HSDL2: variants seen among roughly 807,000 people sequenced by gnomAD.
HSDL2 encodes hydroxysteroid dehydrogenase like 2, also known as hydroxysteroid dehydrogenase-like protein 2.
A neutral mutation model predicts 46.3 loss-of-function variants in HSDL2; 27 were observed. That is an observed-to-expected ratio of 0.58 (90% CI 0.43 to 0.80). The LOEUF is 0.80. Among genes scored for constraint, HSDL2 ranks in the 30% least tolerant of loss-of-function variants. HSDL2 has a pLI of 0.00. For synonymous variants in HSDL2, 153 were observed against 163.6 expected, an observed-to-expected ratio of 0.94 and a Z score of 0.50; for missense variants, 451 against 502.7, an observed-to-expected ratio of 0.90 and a Z score of 0.98.
chr9:112,427,126 C>T (rs995343299), intron 6 of HSDL2, among the ~76,000 whole-genome samples: 19 of 152,282 alleles, frequency 1.2e-4, no homozygotes, highest in African/African-American at 4.3e-4. Flanking sequence ...ACGATCTCAG[C>T]CCACTGCAGC....
intron 6 of HSDL2, among the ~76,000 whole-genome samples, chr9:112,433,226 G>A (rs945246187): frequency 2.6e-5 from 4 of 152,152 alleles, no homozygotes; most frequent in South Asian, 2.1e-4. Flanking sequence ...CAGAGGGAGC[G>A]ACGCATGCAA....
chr9:112,411,773 CT>C (rs764922903), intron 4 of HSDL2, among the ~76,000 whole-genome samples: 12 of 152,214 alleles, frequency 7.9e-5, no homozygotes, highest in Admixed American at 5.2e-4. Context: ...GGCAATGTTG[CT>C]ATGTGATACT....
At chr9:112,436,960 CTTTT>C (rs780957603) in intron 6 of HSDL2, among the ~76,000 whole-genome samples, 4 of 126,782 alleles carry the variant, frequency 3.2e-5, no homozygotes, top group African/African-American at 6.0e-5. Context: ...TTCTTTTTTT[CTTTT>C]TTTTTTTTTT....
intron 1 of HSDL2, among the ~76,000 whole-genome samples, chr9:112,391,178 A>AAATAATAATAAT (rs57337984): frequency 0.037 from 5,488 of 149,494 alleles, 172 homozygotes; most frequent in African/African-American, 0.064. Context: ...TCCATCTCAA[A>AAATAATAATAAT]AATAATAATA....
At chr9:112,417,096 C>T (rs1379748427) in intron 5 of HSDL2, 152 bp downstream of exon 5, 7 of 445,924 alleles carry the variant, frequency 1.6e-5, no homozygotes, top group African/African-American at 2.0e-5. Flanking sequence ...AAAGTAGATT[C>T]TTCATCTTTT....
In HSDL2 at chr9:112,457,103, G is replaced by A. The variant is rs139689241; in HGVS notation, c.1016-2346G>A. 2.0e-3 allele frequency among the ~76,000 whole-genome samples: 306 copies of A among 151,866 alleles called. 2 individuals carry two copies. Among genetic ancestry groups the A allele is most frequent in the African/African-American group, 7.0e-3 (288 of 41,420 alleles). ...GCGGAGGTTGCGGTGAGCCCAGATC[G>A]CATCACTGCACTCCAGCTTGGGCAA... On this transcript the variant is annotated intron_variant, in intron 9 of 10. Transcript: ENST00000398805.
intron 8 of HSDL2, among the ~76,000 whole-genome samples, chr9:112,450,626 C>A (rs370099620): frequency 0.01 from 1,244 of 120,404 alleles, no homozygotes; most frequent in African/African-American, 0.011. Flanking sequence ...AAGACTGCCT[C>A]AAAAAAAAAA....
intron 3 of HSDL2, among the ~76,000 whole-genome samples, chr9:112,408,310 A>G (rs1831776323): frequency 6.6e-6 from 1 of 152,198 alleles, no homozygotes; most frequent in South Asian, 2.1e-4. Flanking sequence ...TTAAGAGTGG[A>G]AGCTACAAAC....
chr9:112,399,228 G>A (rs1831532809), intron 1 of HSDL2, among the ~76,000 whole-genome samples: 1 of 152,222 alleles, frequency 6.6e-6, no homozygotes, highest in Non-Finnish European at 1.5e-5. Context: ...CATATCGGTA[G>A]GACCGTGATG....
intron 1 of HSDL2, among the ~76,000 whole-genome samples, chr9:112,393,724 G>A (rs545640462): frequency 1.3e-5 from 2 of 152,308 alleles, no homozygotes; most frequent in African/African-American, 4.8e-5. Context: ...CAAGGTCTGG[G>A]TAAAGTTACT....
chr9:112,441,025 A>G (rs533146698), intron 7 of HSDL2, among the ~76,000 whole-genome samples: 1 of 151,268 alleles, frequency 6.6e-6, no homozygotes, highest in African/African-American at 2.4e-5. Context: ...AAATAAATAA[A>G]TAAATAATAA....
intron 8 of HSDL2, among the ~76,000 whole-genome samples, chr9:112,444,669 TTG>T (rs1170410668): frequency 1.5e-3 from 235 of 152,096 alleles, no homozygotes; most frequent in Non-Finnish European, 3.1e-3. Context: ...GTTCAGGAGT[TTG>T]AGGTTGTAAT....
chr9:112,453,674 T>A (rs7875256), intron 8 of HSDL2, among the ~76,000 whole-genome samples: 3 of 152,316 alleles, frequency 2.0e-5, no homozygotes, highest in Admixed American at 6.5e-5. Flanking sequence ...ATTACATGCA[T>A]GAGCCGCCAC....
In HSDL2 at chr9:112,437,521, A is replaced by G. The variant is rs546813550; in HGVS notation, c.599-910A>G. Reference sequence around the variant, plus strand: ...TTAGTGGTCCCTAAAGTAATGGTGCACTGTATAATCAGTGGTATTGTTGGT... The same window carrying G: ...TTAGTGGTCCCTAAAGTAATGGTGCGCTGTATAATCAGTGGTATTGTTGGT... On this transcript the variant is annotated intron_variant, in intron 6 of 10. Coordinates refer to ENST00000398805, the MANE Select transcript of HSDL2 (RefSeq NM_032303.5). Among the ~76,000 whole-genome samples, 2 of 152,132 alleles carry G rather than the reference A, an allele frequency of 1.3e-5. 1 individual carries two copies. Among genetic ancestry groups the G allele is most frequent in the African/African-American group, 4.8e-5 (2 of 41,418 alleles).
chr9:112,438,823 G>A, intron 7 of HSDL2, 198 bp downstream of exon 7: 1 of 374,200 alleles, frequency 2.7e-6, no homozygotes. Context: ...GTGAGTTGAG[G>A]GCTTTTGAAG....
At chr9:112,405,106 C>T (rs910881813) in intron 2 of HSDL2, among the ~76,000 whole-genome samples, 3 of 152,216 alleles carry the variant, frequency 2.0e-5, no homozygotes, top group Non-Finnish European at 2.9e-5. Context: ...AATCCCAGCA[C>T]TTTGGGAGGC....
At chr9:112,409,834 C>T (rs997479060) in intron 4 of HSDL2, among the ~76,000 whole-genome samples, 2 of 149,672 alleles carry the variant, frequency 1.3e-5, no homozygotes, top group African/African-American at 4.9e-5. Flanking sequence ...GCCTGGGTAA[C>T]AGAGAAAGAC....
At chr9:112,450,314 G>A (rs1028088159) in intron 8 of HSDL2, among the ~76,000 whole-genome samples, 1 of 117,130 alleles carries the variant, frequency 8.5e-6, no homozygotes, top group African/African-American at 3.4e-5. Flanking sequence ...AAAAAGACAA[G>A]TTTAATACAG....
At chr9:112,456,615 A>G (rs1017209107) in intron 9 of HSDL2, among the ~76,000 whole-genome samples, 1 of 152,278 alleles carries the variant, frequency 6.6e-6, no homozygotes, top group East Asian at 1.9e-4. Context: ...TTCTCTAGGA[A>G]ACCCCAACCA....
Sources: allele counts gnomAD v4.1 joint callset (sites outside exome capture counted in the v4.1 genomes callset), GRCh38; gene constraint gnomAD v4.1.1; transcripts MANE v1.5; gene names NCBI Gene and HGNC (gene_info 2026-07-23, HGNC 2026-07-21).